PLXDC2: variants seen among roughly 807,000 people sequenced by gnomAD.
PLXDC2 encodes plexin domain containing 2.
Under a neutral mutation model 68.9 loss-of-function variants are expected in PLXDC2, and 40 were observed. The observed-to-expected ratio is 0.58, with a 90% CI of 0.45 to 0.76. PLXDC2 has a LOEUF of 0.76. Among genes scored for constraint, PLXDC2 ranks in the 30% least tolerant of loss-of-function variants. PLXDC2 has a pLI of 0.00. For synonymous variants in PLXDC2, 243 were observed against 234.2 expected, an observed-to-expected ratio of 1.04 and a Z score of -0.34; for missense variants, 644 against 661.9, an observed-to-expected ratio of 0.97 and a Z score of 0.30.
intron 10 of PLXDC2, among the ~76,000 whole-genome samples, chr10:20,212,011 A>G (rs908363862): frequency 2.0e-5 from 3 of 151,948 alleles, no homozygotes; most frequent in Admixed American, 6.6e-5. Flanking sequence ...TTTCATTGTC[A>G]TATTCATTCT....
Position 20,086,201 on chromosome 10 carries a change from C to T in PLXDC2, c.541+17962C>T, listed in dbSNP as rs149224315. On this transcript the variant is annotated intron_variant, in intron 4 of 13. Transcript: ENST00000377252. ...ACGAGACAGGGTTTCACCCTGTCTC[C>T]GAGGCTGGAGTGCAGTGGGGTGGTC... 4.6e-5 allele frequency among the ~76,000 whole-genome samples: 7 copies of T among 152,040 alleles called. No homozygotes were observed. The East Asian group carries it at 1.2e-3, about 25-fold the overall frequency.
intron 1 of PLXDC2, among the ~76,000 whole-genome samples, chr10:19,871,810 C>A (rs190857709): frequency 6.7e-6 from 1 of 150,256 alleles, no homozygotes; most frequent in Non-Finnish European, 1.5e-5. Context: ...CACTTGAACC[C>A]GGGAGGCGGA....
intron 1 of PLXDC2, among the ~76,000 whole-genome samples, chr10:19,877,253 G>C (rs753439740): frequency 3.9e-5 from 6 of 152,020 alleles, no homozygotes; most frequent in Non-Finnish European, 8.8e-5. Context: ...GGAGGGGAGA[G>C]AGGGAGAGAG....
chr10:20,181,103 A>G (rs1438330995), intron 9 of PLXDC2, among the ~76,000 whole-genome samples: 5 of 152,092 alleles, frequency 3.3e-5, no homozygotes, highest in Non-Finnish European at 7.4e-5. Flanking sequence ...TGTTATGGTA[A>G]GAGAAATAAA....
chr10:20,204,479 C>T (rs1326534071), intron 9 of PLXDC2, among the ~76,000 whole-genome samples: 3 of 152,060 alleles, frequency 2.0e-5, no homozygotes, highest in Admixed American at 6.6e-5. Flanking sequence ...CCTTTGCATA[C>T]TGTGGCAAGA....
chr10:20,230,800 A>T (rs1299087736), intron 12 of PLXDC2, among the ~76,000 whole-genome samples: 1 of 150,710 alleles, frequency 6.6e-6, no homozygotes, highest in African/African-American at 2.4e-5. Flanking sequence ...TATATATTTG[A>T]ACAATACTGA....
At chr10:19,848,342 GT>G (rs2131323913) in intron 1 of PLXDC2, among the ~76,000 whole-genome samples, 1 of 152,206 alleles carries the variant, frequency 6.6e-6, no homozygotes, top group Non-Finnish European at 1.5e-5. Flanking sequence ...CAGTTTGGTG[GT>G]TTTCACTGTG....
At chr10:20,004,632 T>C (rs532489589) in intron 2 of PLXDC2, among the ~76,000 whole-genome samples, 1 of 152,288 alleles carries the variant, frequency 6.6e-6, no homozygotes, top group East Asian at 1.9e-4. Context: ...GTAAAGACTT[T>C]TAAATTTCTT....
At chr10:19,985,481 G>A (rs1834620371) in intron 1 of PLXDC2, among the ~76,000 whole-genome samples, 1 of 152,044 alleles carries the variant, frequency 6.6e-6, no homozygotes. Context: ...CTGATGATGT[G>A]GAAAACTCAG....
chr10:19,914,552 T>C (rs1833332841), intron 1 of PLXDC2, among the ~76,000 whole-genome samples: 1 of 152,218 alleles, frequency 6.6e-6, no homozygotes, highest in Non-Finnish European at 1.5e-5. Context: ...ACTTCAAGGA[T>C]TTCTTAGGTT....
At chr10:20,162,496 A>G (rs984937435) in intron 6 of PLXDC2, among the ~76,000 whole-genome samples, 2 of 152,160 alleles carry the variant, frequency 1.3e-5, no homozygotes, top group African/African-American at 4.8e-5. Flanking sequence ...TGGCATTTAT[A>G]TGATGGCATT....
intron 1 of PLXDC2, among the ~76,000 whole-genome samples, chr10:19,890,316 C>T (rs1191007987): frequency 2.6e-5 from 4 of 152,024 alleles, no homozygotes; most frequent in African/African-American, 9.7e-5. Context: ...GTGTGTGATG[C>T]TGAGGTTTCG....
intron 12 of PLXDC2, among the ~76,000 whole-genome samples, chr10:20,238,636 A>G (rs1439034055): frequency 1.9e-5 from 1 of 52,150 alleles, no homozygotes; most frequent in Non-Finnish European, 5.5e-5. Flanking sequence ...GAGAGTGAGA[A>G]CAGAGAAAGA....
chr10:20,036,984 G>A (rs1212213917), intron 2 of PLXDC2, among the ~76,000 whole-genome samples: 1 of 152,104 alleles, frequency 6.6e-6, no homozygotes, highest in East Asian at 1.9e-4. Flanking sequence ...AGTGAGGACC[G>A]CTTAAATCAG....
intron 2 of PLXDC2, among the ~76,000 whole-genome samples, chr10:20,002,803 A>G (rs537737283): frequency 3.1e-4 from 47 of 152,278 alleles, no homozygotes; most frequent in African/African-American, 1.1e-3. Context: ...CATGCTAGGC[A>G]GAGTAAATTT....
At chr10:19,827,394 A>G (rs1384287477) in intron 1 of PLXDC2, among the ~76,000 whole-genome samples, 1 of 152,110 alleles carries the variant, frequency 6.6e-6, no homozygotes, top group East Asian at 1.9e-4. Context: ...AACATTTCAG[A>G]TTTTGCTACA....
At chr10:20,023,340 GT>G (rs1266089401) in intron 2 of PLXDC2, among the ~76,000 whole-genome samples, 1 of 151,912 alleles carries the variant, frequency 6.6e-6, no homozygotes, top group Non-Finnish European at 1.5e-5. Context: ...ATTTCTCGAT[GT>G]CATAAATACC....
intron 2 of PLXDC2, among the ~76,000 whole-genome samples, chr10:20,014,382 GCTTCCTTCCTTCCTTCCTTCCTTCC>G (rs1835170317): frequency 6.3e-5 from 5 of 78,982 alleles, no homozygotes; most frequent in Non-Finnish European, 1.0e-4. Context: ...TTCCTTCCTT[GCTTCCTTCCTTCCTTCCTTCCTTCC>G]TTCCTTCCTT....
intron 1 of PLXDC2, among the ~76,000 whole-genome samples, chr10:19,962,515 C>G (rs1228372199): frequency 6.7e-6 from 1 of 148,924 alleles, no homozygotes; most frequent in African/African-American, 2.4e-5. Flanking sequence ...CTCAGCCTCC[C>G]CAGCAGGTGG....
Sources: gnomAD v4.1 joint callset for allele counts (sites outside exome capture counted in the v4.1 genomes callset) on GRCh38, gnomAD v4.1.1 for gene constraint, MANE v1.5 for transcripts, NCBI Gene and HGNC (gene_info 2026-07-23, HGNC 2026-07-21) for gene names.